The following ADARB2 variants were observed in gnomAD, a reference collection of about 807,000 sequenced individuals.
The protein encoded by ADARB2 is inactive double-stranded RNA-specific editase B2.
Under a neutral mutation model 62.2 loss-of-function variants are expected in ADARB2, and 25 were observed. The ratio of observed to expected loss-of-function variants is 0.40; its 90% CI spans 0.29 to 0.56. The LOEUF (loss-of-function observed/expected upper bound fraction) is 0.56. Ranked by LOEUF, ADARB2 falls within the 20% of genes least tolerant of loss-of-function variation. ADARB2 has a pLI of 0.43. For missense variants in ADARB2, 1,071 were observed against 1,077.4 expected (o/e 0.99, Z 0.08); for synonymous variants, 572 against 500.8 (o/e 1.14, Z -1.90).
rs547044087 is a variant in ADARB2 at position 1,688,444 on chromosome 10, G to A, written c.100+48607C>T. ...TGGGCAGTGAAGGGCTGGAGACCCT[G>A]AGCTGCCATATTCCCCCAGACAACA... On this transcript the variant is annotated intron_variant, in intron 1 of 9. Transcript: ENST00000381312. Among the ~76,000 whole-genome samples the A allele has an allele frequency of 1.3e-4, 20 of 152,334 alleles. No individual in the cohort carries two copies. In the South Asian group the frequency reaches 3.7e-3, roughly 28 times the overall value.
chr10:1,445,256 T>TTCCA (rs894062871), intron 1 of ADARB2, among the ~76,000 whole-genome samples: 15 of 147,478 alleles, frequency 1.0e-4, no homozygotes, highest in South Asian at 4.4e-4. Flanking sequence ...ACATCCATTC[T>TTCCA]TCCATCCATC....
At chr10:1,393,673 C>A (rs904080989) in intron 1 of ADARB2, among the ~76,000 whole-genome samples, 1 of 152,166 alleles carries the variant, frequency 6.6e-6, no homozygotes, top group Non-Finnish European at 1.5e-5. Flanking sequence ...CCAGGCCACG[C>A]GTTATGCACC....
intron 1 of ADARB2, among the ~76,000 whole-genome samples, chr10:1,562,414 C>T (rs1206326589): frequency 1.3e-5 from 2 of 151,674 alleles, no homozygotes; most frequent in Non-Finnish European, 2.9e-5. Context: ...AGCCTCACTC[C>T]ATCACTGGGA....
At chr10:1,634,819 C>A (rs980418131) in intron 1 of ADARB2, among the ~76,000 whole-genome samples, 5 of 152,162 alleles carry the variant, frequency 3.3e-5, no homozygotes. Flanking sequence ...TGCAAATATT[C>A]ATTAATAGTC....
At chr10:1,397,815 G>A (rs1251565954) in intron 1 of ADARB2, among the ~76,000 whole-genome samples, 13 of 84,912 alleles carry the variant, frequency 1.5e-4, no homozygotes, top group Non-Finnish European at 2.7e-4. Context: ...CTCCCCTCCC[G>A]AGCGCAGGCT....
intron 1 of ADARB2, among the ~76,000 whole-genome samples, chr10:1,655,789 G>A (rs1834166672): frequency 6.6e-6 from 1 of 152,234 alleles, no homozygotes; most frequent in Non-Finnish European, 1.5e-5. Context: ...ACTGGAACAA[G>A]CGAGGTTTTG....
intron 8 of ADARB2, among the ~76,000 whole-genome samples, chr10:1,194,919 T>C (rs1836889055): frequency 6.6e-6 from 1 of 152,222 alleles, no homozygotes. Context: ...TCTGCTTGTT[T>C]TTTGTGTGTG....
At chr10:1,655,736 T>C (rs1236763917) in intron 1 of ADARB2, among the ~76,000 whole-genome samples, 1 of 152,182 alleles carries the variant, frequency 6.6e-6, no homozygotes. Context: ...CATGGCTGGC[T>C]TTCAGGAGTA....
intron 8 of ADARB2, among the ~76,000 whole-genome samples, chr10:1,193,059 G>A (rs963500200): frequency 5.9e-5 from 9 of 152,248 alleles, no homozygotes; most frequent in African/African-American, 9.6e-5. Flanking sequence ...TGAGGTGGAG[G>A]TGTTGAGGGT....
At chr10:1,696,053 C>T (rs1227224589) in intron 1 of ADARB2, among the ~76,000 whole-genome samples, 7 of 151,996 alleles carry the variant, frequency 4.6e-5, no homozygotes, top group Non-Finnish European at 8.8e-5. Context: ...TATACATGCA[C>T]ACACATGCAT....
chr10:1,605,065 A>G (rs10903508), intron 1 of ADARB2, among the ~76,000 whole-genome samples: 139,759 of 152,316 alleles, frequency 0.92, 64,144 homozygotes, highest in South Asian at 0.94. Context: ...AGTAATAAAT[A>G]GTATATTCAA....
intron 1 of ADARB2, among the ~76,000 whole-genome samples, chr10:1,661,538 G>GA (rs1834248327): frequency 2.0e-5 from 3 of 152,204 alleles, no homozygotes; most frequent in African/African-American, 7.2e-5. Context: ...CTAGGGTTGG[G>GA]GGAGGGCCCC....
chr10:1,241,061 A>C (rs924080061), intron 5 of ADARB2, among the ~76,000 whole-genome samples: 3 of 152,110 alleles, frequency 2.0e-5, no homozygotes, highest in African/African-American at 7.2e-5. Context: ...ACTTGAGGTT[A>C]GGAGTTTGAC....
chr10:1,295,337 A>T (rs1409084492), intron 3 of ADARB2, among the ~76,000 whole-genome samples: 1 of 152,054 alleles, frequency 6.6e-6, no homozygotes, highest in Admixed American at 6.5e-5. Context: ...TCGGTGCAGG[A>T]AGATATGCTG....
chr10:1,555,356 C>T (rs1832684135), intron 1 of ADARB2, among the ~76,000 whole-genome samples: 1 of 152,232 alleles, frequency 6.6e-6, no homozygotes, highest in African/African-American at 2.4e-5. Context: ...GTTCCCTTTT[C>T]TCTGCAACCT....
At chr10:1,608,424 C>T (rs528671431) in intron 1 of ADARB2, among the ~76,000 whole-genome samples, 80 of 150,818 alleles carry the variant, frequency 5.3e-4, no homozygotes, top group Non-Finnish European at 9.1e-4. Context: ...ACTCTATCTT[C>T]GGGGACCATT....
rs183589707 is a variant in ADARB2 at position 1,647,303 on chromosome 10, G to T, written c.100+89748C>A. ...TTAGCTGTGATTTCTTCTACCATTG[G>T]CTCCTTATGAAAAAAAAGTGTGTGT... On this transcript the variant is annotated intron_variant, in intron 1 of 9. Coordinates refer to ENST00000381312, the MANE Select transcript of ADARB2 (RefSeq NM_018702.4). Among the ~76,000 whole-genome samples the T allele has an allele frequency of 1.5e-3, 224 of 152,140 alleles. No individual in the cohort carries two copies. In the Middle Eastern group the frequency reaches 0.02, roughly 14 times the overall value.
intron 1 of ADARB2, among the ~76,000 whole-genome samples, chr10:1,600,661 C>CAAA (rs71379153): frequency 0.029 from 2,036 of 69,876 alleles, 175 homozygotes; most frequent in African/African-American, 0.062. Flanking sequence ...GACTCTGTCT[C>CAAA]AAAAAAAAAA....
chr10:1,622,457 A>G (rs146209753), intron 1 of ADARB2, among the ~76,000 whole-genome samples: 6 of 152,328 alleles, frequency 3.9e-5, no homozygotes, highest in East Asian at 1.9e-4. Context: ...ACTTTTATCT[A>G]GAATATATAT....
Sources: allele counts gnomAD v4.1 joint callset (sites outside exome capture counted in the v4.1 genomes callset), GRCh38; gene constraint gnomAD v4.1.1; transcripts MANE v1.5; gene names NCBI Gene and HGNC (gene_info 2026-07-23, HGNC 2026-07-21).